Variants in CEP78 observed in about 807,000 individuals in gnomAD.
CEP78 encodes the protein centrosomal protein 78.
A neutral mutation model predicts 81.2 loss-of-function variants in CEP78; 76 were observed. The observed-to-expected ratio is 0.94, with a 90% CI of 0.78 to 1.13. The LOEUF is 1.13. Among genes scored for constraint, CEP78 ranks in the 50% most tolerant of loss-of-function variants. CEP78 has a pLI of 0.00. For missense variants in CEP78, 918 were observed against 846.8 expected (o/e 1.08, Z -1.04); for synonymous variants, 293 against 301.4 (o/e 0.97, Z 0.29).
At chr9:78,265,214 G>T (rs916599155) in intron 13 of CEP78, among the ~76,000 whole-genome samples, 158 bp from the exon 14 acceptor site, 2 of 152,202 alleles carry the variant, frequency 1.3e-5, no homozygotes, top group African/African-American at 2.4e-5. Context: ...ATGTGGGAAG[G>T]TCTGAGAAAT....
chr9:78,247,682 T>A (rs1203787320), intron 6 of CEP78, among the ~76,000 whole-genome samples: 1 of 152,086 alleles, frequency 6.6e-6, no homozygotes, highest in African/African-American at 2.4e-5. Context: ...TGTAGGGGGC[T>A]ATAAAAGGGA....
Position 78,276,765 on chromosome 9 carries a change from A to G in CEP78, c.*5914A>G, listed in dbSNP as rs1407812246. 1 of 152,226 alleles carries G rather than the reference A, an allele frequency of 6.6e-6. No individual in the cohort carries two copies. The highest frequency in any genetic ancestry group is 2.4e-5 in the African/African-American group (1 of 41,476). 9.4% of individuals were successfully genotyped at this position (152,226 alleles called of 1,614,324 possible). ...AAAGGATAAATCTATGCTAGAGGGT[A>G]TAAAAGAAACACAAAAATAGAGGTA... is the stretch of plus-strand genomic sequence containing the variant. On this transcript the variant is annotated 3_prime_UTR_variant, in exon 17 of 17. Coordinates refer to ENST00000643273, the MANE Select transcript of CEP78 (RefSeq NM_001330691.3).
intron 11 of CEP78, among the ~76,000 whole-genome samples, chr9:78,255,394 A>G (rs918706306): frequency 3.3e-5 from 5 of 152,136 alleles, no homozygotes; most frequent in African/African-American, 9.7e-5. Flanking sequence ...ACTTACAAAT[A>G]TAGAAGTAAT....
rs1371879204 is a variant in CEP78, at chr9:78,274,780, T to C, written c.*3929T>C. The C allele has an allele frequency of 2.0e-5, 3 of 152,082 alleles. No homozygotes were observed. The highest frequency in any genetic ancestry group is 7.2e-5 in the African/African-American group (3 of 41,426). 9.4% of individuals were successfully genotyped at this position (152,082 alleles called of 1,614,324 possible). On this transcript the variant is annotated 3_prime_UTR_variant, in exon 17 of 17. Transcript: ENST00000643273. ...CATTTAAAGGAGAAATCAAAATAAA[T>C]TGCAAATTATTTAGAATTAATAAAA...
At chr9:78,237,532 A>G (rs567149925) in intron 1 of CEP78, among the ~76,000 whole-genome samples, 4 of 152,250 alleles carry the variant, frequency 2.6e-5, no homozygotes, top group African/African-American at 9.6e-5. Flanking sequence ...AAAGTTTTGG[A>G]AATAGGAGAG....
chr9:78,263,685 C>A (rs1827382306), intron 12 of CEP78, among the ~76,000 whole-genome samples: 1 of 152,020 alleles, frequency 6.6e-6, no homozygotes, highest in Non-Finnish European at 1.5e-5. Flanking sequence ...CAGGAGAGTA[C>A]ATATTTTCAA....
chr9:78,243,200 T>G (rs1404264519), intron 4 of CEP78, among the ~76,000 whole-genome samples: 1 of 152,192 alleles, frequency 6.6e-6, no homozygotes, highest in Non-Finnish European at 1.5e-5. Context: ...AGAAGTTAAC[T>G]AAGTTGTCAG....
At position 78,277,520 on chromosome 9, in the gene CEP78, A is replaced by G. The variant is rs1827829116; in HGVS notation, c.*6669A>G. On this transcript the variant is annotated 3_prime_UTR_variant, in exon 17 of 17. Transcript: ENST00000643273. ...TTCAACCTCGTAAGCAATCAGGAAAATTAAAGTTAAAATGAGATACTATTT... is the reference window on the plus strand; with the variant it reads ...TTCAACCTCGTAAGCAATCAGGAAAGTTAAAGTTAAAATGAGATACTATTT... The G allele has an allele frequency of 6.6e-6, 1 of 152,234 alleles. No individual in the cohort carries two copies. Among genetic ancestry groups the G allele is most frequent in the African/African-American group, 2.4e-5 (1 of 41,470 alleles). The allele number at this position is 152,234 out of a possible 1,614,324, so 9.4% of individuals were successfully genotyped here. A position where few individuals can be genotyped will look rare whatever the true frequency, so the allele number is the denominator to read the frequency against.
rs1587607808 is a variant in CEP78 at position 78,265,464 on chromosome 9, C to T, written c.1718C>T (p.Pro573Leu). ...ATGACTTCTACTGTTAGTAATCCACCTAAAGAAGAAAAGAAGGCGCTTGAA... is the reference window on the plus strand; with the variant it reads ...ATGACTTCTACTGTTAGTAATCCACTTAAAGAAGAAAAGAAGGCGCTTGAA... ...PQMTSTVSNP[P>L]KEEKKALEDE... The change falls in exon 14 of 17, where the codon CCT (proline) becomes CTT (leucine). Residue 573 changes from proline to leucine, a missense_variant. Coordinates refer to ENST00000643273, the MANE Select transcript of CEP78 (RefSeq NM_001330691.3). 1.3e-6 allele frequency: 2 copies of T among 1,595,566 alleles called. No homozygotes were observed. The highest frequency in any genetic ancestry group is 2.7e-5 in the African/African-American group (2 of 74,636).
Position 78,248,368 on chromosome 9 carries a change from T to G in CEP78, c.957+13T>G. On this transcript the variant is annotated intron_variant, in intron 7 of 16. Transcript: ENST00000643273. The stretch of plus-strand genomic sequence containing the variant: ...TGCCAAATCAGAGGTATATCATGTT[T>G]TATTTCTCCAGAAAGAATTCTTATT... 6.6e-7 allele frequency: 1 copy of G among 1,519,188 alleles called. No homozygotes were observed. Among genetic ancestry groups the G allele is most frequent in the Non-Finnish European group, 9.1e-7 (1 of 1,094,222 alleles). The allele number at this position is 1,519,188 out of a possible 1,614,324, so 94.1% of individuals were successfully genotyped here. A position where few individuals can be genotyped will look rare whatever the true frequency, so the allele number is the denominator to read the frequency against.
rs760484787 is a variant in CEP78, at chr9:78,248,813, C to T, written c.1009C>T (p.Gln337Ter). The change falls in exon 8 of 17, where the codon CAG (glutamine) becomes TAG (stop). Residue 337 changes from glutamine (Q) to a stop codon, truncating the protein, a stop_gained. Coordinates refer to ENST00000643273, the MANE Select transcript of CEP78 (RefSeq NM_001330691.3). LOFTEE classifies it high-confidence loss of function. ...SVKEPSKTAK[Q>*]KRRTIILGSG... ...GAAGGAACCATCCAAAACTGCTAAACAGAAAAGGAGAACTATAATTCTAGG... is the reference window on the plus strand; with the variant it reads ...GAAGGAACCATCCAAAACTGCTAAATAGAAAAGGAGAACTATAATTCTAGG... The T allele has an allele frequency of 1.3e-6, 2 of 1,599,724 alleles. No homozygotes were observed. Among genetic ancestry groups the T allele is most frequent in the Non-Finnish European group, 8.5e-7 (1 of 1,173,726 alleles).
At position 78,275,140 on chromosome 9, in the gene CEP78, A is replaced by G. The variant is rs1013910361; in HGVS notation, c.*4289A>G. On this transcript the variant is annotated 3_prime_UTR_variant, in exon 17 of 17. Transcript: ENST00000643273. ...ACTAGAAGAGATATTTTTAATTATG[A>G]GCACTTTTATAATTTACTATAAATA... The G allele has an allele frequency of 2.0e-5, 3 of 152,254 alleles. No individual in the cohort carries two copies. The highest frequency in any genetic ancestry group is 7.2e-5 in the African/African-American group (3 of 41,480). 9.4% of individuals were successfully genotyped at this position (152,254 alleles called of 1,614,324 possible).
chr9:78,256,014 A>G (rs951392198), intron 11 of CEP78, among the ~76,000 whole-genome samples: 11 of 152,238 alleles, frequency 7.2e-5, no homozygotes, highest in African/African-American at 2.7e-4. Flanking sequence ...CTATTTTAAG[A>G]ACTCCATAAA....
chr9:78,236,713 G>A (rs1328009831), intron 1 of CEP78, 110 bp downstream of exon 1: 92 of 1,385,656 alleles, frequency 6.6e-5, no homozygotes, highest in Non-Finnish European at 8.5e-5. Context: ...TGTGCGGCCT[G>A]GACACTCACG....
In CEP78 at chr9:78,277,109, G is replaced by T. The variant is rs1287201283; in HGVS notation, c.*6258G>T. The T allele has an allele frequency of 6.6e-6, 1 of 151,988 alleles. No homozygotes were observed. Among genetic ancestry groups the T allele is most frequent in the Non-Finnish European group, 1.5e-5 (1 of 67,974 alleles). 9.4% of individuals were successfully genotyped at this position (151,988 alleles called of 1,614,324 possible). On this transcript the variant is annotated 3_prime_UTR_variant, in exon 17 of 17. Coordinates refer to ENST00000643273, the MANE Select transcript of CEP78 (RefSeq NM_001330691.3). ...GAAGGGTTTGAACTATTCAGTAAAT[G>T]ATGTTGAGGTTATTTACTACTTTTT...
chr9:78,260,307 T>C (rs928399619), intron 11 of CEP78, among the ~76,000 whole-genome samples: 2 of 151,884 alleles, frequency 1.3e-5, no homozygotes, highest in Non-Finnish European at 2.9e-5. Flanking sequence ...AAAGTGGTTA[T>C]TTTATCTTAT....
chr9:78,257,671 A>C (rs1827101234), intron 11 of CEP78, among the ~76,000 whole-genome samples: 1 of 152,208 alleles, frequency 6.6e-6, no homozygotes, highest in East Asian at 1.9e-4. Flanking sequence ...TGTTGGCATG[A>C]ACATAAAACA....
chr9:78,257,864 G>A (rs1372222765), intron 11 of CEP78, among the ~76,000 whole-genome samples: 1 of 152,182 alleles, frequency 6.6e-6, no homozygotes, highest in African/African-American at 2.4e-5. Context: ...CAAGACAAGG[G>A]TTGTAAACTG....
In CEP78 at chr9:78,266,444, T is replaced by C; in HGVS notation, c.1848T>C (p.Phe616=). The C allele has an allele frequency of 6.3e-7, 1 of 1,580,308 alleles. No individual in the cohort carries two copies. Among genetic ancestry groups the C allele is most frequent in the South Asian group, 1.2e-5 (1 of 86,018 alleles). ...TTTTGTTTTGTTTTTCCTTCTAGTT[T>C]CAGAAAATTACAGGTGATGCTAGAA... The part of the protein sequence containing the change: ...SAYNEGTLMK[F]QKITGDARIP... The change falls in exon 16 of 17, where the codon TTT becomes TTC. Residue 616 remains phenylalanine, a splice_region_variant and synonymous_variant. Coordinates refer to ENST00000643273, the MANE Select transcript of CEP78 (RefSeq NM_001330691.3).
Sources: gnomAD v4.1 joint callset for allele counts (sites outside exome capture counted in the v4.1 genomes callset) on GRCh38, gnomAD v4.1.1 for gene constraint, MANE v1.5 for transcripts, NCBI Gene and HGNC (gene_info 2026-07-23, HGNC 2026-07-21) for gene names.